Variants in GPC6 observed in about 807,000 individuals in gnomAD.
GPC6 encodes glypican 6, also known as glypican-6.
A neutral mutation model predicts 55.2 loss-of-function variants in GPC6; 14 were observed. The ratio of observed to expected loss-of-function variants is 0.25; its 90% CI spans 0.17 to 0.40. GPC6 has a LOEUF of 0.40. GPC6 is among the 10% of genes least tolerant of loss of function. The pLI is 1.00. For missense variants in GPC6, 641 were observed against 708.5 expected (o/e 0.90, Z 1.08); for synonymous variants, 278 against 259.6 (o/e 1.07, Z -0.68).
At chr13:94,041,978 C>G (rs1487422916) in intron 4 of GPC6, among the ~76,000 whole-genome samples, 2 of 151,854 alleles carry the variant, frequency 1.3e-5, no homozygotes, top group Non-Finnish European at 2.9e-5. Context: ...CCACCCAAAT[C>G]TCATGTTCAA....
intron 2 of GPC6, among the ~76,000 whole-genome samples, chr13:93,682,647 G>T (rs73545514): frequency 5.9e-5 from 9 of 151,938 alleles, no homozygotes; most frequent in Non-Finnish European, 1.3e-4. Context: ...TTGCTATTTA[G>T]ATTTCTCTGT....
intron 4 of GPC6, among the ~76,000 whole-genome samples, chr13:94,139,466 G>A (rs143417321): frequency 6.6e-6 from 1 of 152,136 alleles, no homozygotes; most frequent in Non-Finnish European, 1.5e-5. Flanking sequence ...CCAGATTGGG[G>A]CTCCTTGGAT....
intron 3 of GPC6, among the ~76,000 whole-genome samples, chr13:93,956,017 G>GCCA (rs1004786313): frequency 1.3e-5 from 2 of 152,000 alleles, no homozygotes; most frequent in Non-Finnish European, 2.9e-5. Flanking sequence ...TACTACTACA[G>GCCA]CCACCACTAC....
chr13:93,442,344 G>A (rs1373835), intron 1 of GPC6, among the ~76,000 whole-genome samples: 32,078 of 152,034 alleles, frequency 0.21, 3,882 homozygotes, highest in Non-Finnish European at 0.28. Context: ...TTAAAGTGAT[G>A]GGATCCCATA....
chr13:93,489,067 T>A (rs1373659366), intron 1 of GPC6, among the ~76,000 whole-genome samples: 8 of 151,472 alleles, frequency 5.3e-5, no homozygotes, highest in Non-Finnish European at 7.4e-5. Context: ...CTGAATTGTA[T>A]TGCCTAGGTT....
intron 3 of GPC6, among the ~76,000 whole-genome samples, chr13:93,895,320 A>C (rs916961555): frequency 6.1e-5 from 9 of 147,416 alleles, no homozygotes; most frequent in Non-Finnish European, 1.2e-4. Flanking sequence ...CCCTGCATGA[A>C]TTTGAGTCTG....
At chr13:94,047,711 C>T (rs747063630) in intron 4 of GPC6, among the ~76,000 whole-genome samples, 2 of 152,058 alleles carry the variant, frequency 1.3e-5, no homozygotes, top group Non-Finnish European at 2.9e-5. Context: ...CAGATTTAAC[C>T]AGTCTAACTT....
chr13:94,227,696 A>G (rs1406664882), intron 4 of GPC6, among the ~76,000 whole-genome samples: 2 of 152,162 alleles, frequency 1.3e-5, no homozygotes, highest in African/African-American at 4.8e-5. Context: ...CAACCCCGAG[A>G]TCTTGGTGGC....
intron 1 of GPC6, among the ~76,000 whole-genome samples, chr13:93,279,542 G>T (rs1877875325): frequency 6.6e-6 from 1 of 152,074 alleles, no homozygotes; most frequent in Non-Finnish European, 1.5e-5. Flanking sequence ...ACATAACATT[G>T]ATTGCCTTTT....
intron 1 of GPC6, among the ~76,000 whole-genome samples, chr13:93,534,012 G>A (rs531013443): frequency 6.6e-6 from 1 of 152,234 alleles, no homozygotes; most frequent in East Asian, 1.9e-4. Flanking sequence ...AGGAGAAGAA[G>A]CCTTAATGAA....
chr13:93,312,325 T>C (rs1275403849), intron 1 of GPC6, among the ~76,000 whole-genome samples: 5 of 152,198 alleles, frequency 3.3e-5, no homozygotes, highest in African/African-American at 1.2e-4. Flanking sequence ...GTGTATATAG[T>C]GTGCATTAAA....
intron 6 of GPC6, among the ~76,000 whole-genome samples, chr13:94,326,199 G>A (rs922884788): frequency 8.7e-6 from 1 of 114,710 alleles, no homozygotes; most frequent in Admixed American, 1.0e-4. Context: ...TTTTTGGTAT[G>A]CTTGTGCACA....
chr13:93,505,250 T>C (rs1880664670), intron 1 of GPC6, among the ~76,000 whole-genome samples: 1 of 152,310 alleles, frequency 6.6e-6, no homozygotes, highest in African/African-American at 2.4e-5. Context: ...TTGCAGTAGT[T>C]ATGATCTGTA....
chr13:93,834,098 G>A (rs1206190762), intron 3 of GPC6, among the ~76,000 whole-genome samples: 1 of 152,150 alleles, frequency 6.6e-6, no homozygotes, highest in Non-Finnish European at 1.5e-5. Flanking sequence ...GAAAATACCT[G>A]TATTGTTGAA....
chr13:94,086,384 A>C (rs142874575), intron 4 of GPC6, among the ~76,000 whole-genome samples: 151 of 152,188 alleles, frequency 9.9e-4, no homozygotes, highest in African/African-American at 3.4e-3. Flanking sequence ...GGAATGAAAT[A>C]CTATCTGGAC....
intron 1 of GPC6, among the ~76,000 whole-genome samples, chr13:93,408,752 AG>A (rs780120595): frequency 2.6e-5 from 4 of 152,066 alleles, no homozygotes; most frequent in Non-Finnish European, 5.9e-5. Flanking sequence ...GGAGTGTAAG[AG>A]AGGGAGTAAG....
At chr13:93,781,347 C>T (rs924753598) in intron 2 of GPC6, among the ~76,000 whole-genome samples, 5 of 151,222 alleles carry the variant, frequency 3.3e-5, no homozygotes, top group African/African-American at 9.7e-5. Flanking sequence ...AAGTCTTTTT[C>T]GCAAGCGCCA....
chr13:94,185,262 A>G (rs1354908135), intron 4 of GPC6, among the ~76,000 whole-genome samples: 1 of 151,708 alleles, frequency 6.6e-6, no homozygotes, highest in Non-Finnish European at 1.5e-5. Context: ...AAAGTTGAAA[A>G]AAAAAAAAAA....
intron 1 of GPC6, among the ~76,000 whole-genome samples, chr13:93,411,518 G>C (rs1876494075): frequency 1.3e-5 from 2 of 152,182 alleles, no homozygotes; most frequent in South Asian, 4.1e-4. Context: ...TTCCCAGACA[G>C]TGGGAGCACA....
Sources: allele counts gnomAD v4.1 joint callset (sites outside exome capture counted in the v4.1 genomes callset), GRCh38; gene constraint gnomAD v4.1.1; transcripts MANE v1.5; gene names NCBI Gene and HGNC (gene_info 2026-07-23, HGNC 2026-07-21).